The following ROBO1 variants were observed in gnomAD, a reference collection of about 807,000 sequenced individuals.
ROBO1 encodes the protein roundabout homolog 1.
ROBO1 carries 149 observed loss-of-function variants against 195.9 expected under a neutral mutation model. That is an observed-to-expected ratio of 0.76 (90% CI 0.67 to 0.87). The LOEUF (loss-of-function observed/expected upper bound fraction) is 0.87, where lower values mean the gene tolerates loss of function less well. Among genes scored for constraint, ROBO1 ranks in the 40% least tolerant of loss-of-function variants. The pLI is 0.00. For synonymous variants in ROBO1, 816 were observed against 733.2 expected, an observed-to-expected ratio of 1.11 and a Z score of -1.82; for missense variants, 1,933 against 2,068.3, an observed-to-expected ratio of 0.93 and a Z score of 1.27.
chr3:78,735,916 G>T (rs370578247), intron 5 of ROBO1, among the ~76,000 whole-genome samples: 2 of 152,132 alleles, frequency 1.3e-5, no homozygotes, highest in African/African-American at 4.8e-5. Flanking sequence ...GTAAACCAAC[G>T]GGCTTGGCAT....
At chr3:79,146,314 G>T (rs1267290752) in intron 2 of ROBO1, among the ~76,000 whole-genome samples, 1 of 151,780 alleles carries the variant, frequency 6.6e-6, no homozygotes, top group Admixed American at 6.6e-5. Flanking sequence ...AGATGTAGAA[G>T]AATATACCAC....
rs151324299 is a variant in ROBO1 at position 78,891,258 on chromosome 3, T to G, written c.499+47343A>C. ...GGCACTGGAGAGTGACTAAAAACAA[T>G]AGGCAAAAGAAATGGAGAGGCTACA... On this transcript the variant is annotated intron_variant, in intron 4 of 30. Transcript: ENST00000464233. Among the ~76,000 whole-genome samples the G allele has an allele frequency of 2.1e-3, 324 of 151,996 alleles. 1 individual carries two copies. Among genetic ancestry groups the G allele is most frequent in the South Asian group, 6.7e-3 (32 of 4,808 alleles).
intron 2 of ROBO1, among the ~76,000 whole-genome samples, chr3:79,370,683 ATTAT>A (rs775393884): frequency 6.6e-5 from 10 of 151,552 alleles, no homozygotes; most frequent in Non-Finnish European, 1.5e-4. Flanking sequence ...TTATATATAT[ATTAT>A]TTAAGTTCTG....
At chr3:79,710,675 A>G (rs1193842337) in intron 1 of ROBO1, among the ~76,000 whole-genome samples, 1 of 152,146 alleles carries the variant, frequency 6.6e-6, no homozygotes, top group Non-Finnish European at 1.5e-5. Flanking sequence ...GTGTTTGTGT[A>G]AAACACTAAT....
At chr3:79,344,756 C>G (rs898000670) in intron 2 of ROBO1, among the ~76,000 whole-genome samples, 1 of 151,756 alleles carries the variant, frequency 6.6e-6, no homozygotes, top group Non-Finnish European at 1.5e-5. Context: ...TGGTTTGATT[C>G]CATGTCCCCA....
chr3:78,909,246 A>G (rs1240567666), intron 4 of ROBO1, among the ~76,000 whole-genome samples: 1 of 151,900 alleles, frequency 6.6e-6, no homozygotes, highest in Non-Finnish European at 1.5e-5. Context: ...TTCTTTAAAC[A>G]GAAAAAAAAA....
intron 3 of ROBO1, among the ~76,000 whole-genome samples, chr3:78,951,334 T>C (rs1033354567): frequency 6.6e-6 from 1 of 152,002 alleles, no homozygotes; most frequent in African/African-American, 2.4e-5. Context: ...AAAAGCTTTC[T>C]CTCTTCATTC....
chr3:79,588,620 A>G (rs1346576391), intron 2 of ROBO1, among the ~76,000 whole-genome samples: 2 of 151,722 alleles, frequency 1.3e-5, no homozygotes, highest in East Asian at 3.9e-4. Flanking sequence ...CATTTTCTAT[A>G]TATTTAAGAA....
rs12491912 is a variant in ROBO1 at position 79,740,238 on chromosome 3, T to A, written c.-51+27514A>T. On this transcript the variant is annotated intron_variant, in intron 1 of 30. Transcript: ENST00000464233. ...TTATATATATAAATTTATATATAAA[T>A]ATATATATATATATACTGAACTGCA... 2.3e-4 allele frequency among the ~76,000 whole-genome samples: 5 copies of A among 21,372 alleles called. 1 individual carries two copies. Among genetic ancestry groups the A allele is most frequent in the African/African-American group, 9.7e-4 (4 of 4,106 alleles). The allele number at this position is 21,372 out of a possible 152,430, so 14.0% of individuals were successfully genotyped here.
At chr3:78,994,782 T>C (rs1453179563) in intron 3 of ROBO1, among the ~76,000 whole-genome samples, 1 of 152,208 alleles carries the variant, frequency 6.6e-6, no homozygotes, top group East Asian at 1.9e-4. Flanking sequence ...TAACCTGACT[T>C]GTAACAATAT....
At position 78,646,165 on chromosome 3, in the gene ROBO1, A is replaced by G. The variant is rs1397720416; in HGVS notation, c.2865T>C (p.Ala955=). 1 of 1,608,274 alleles carries G rather than the reference A, an allele frequency of 6.2e-7. No homozygotes were observed. Among genetic ancestry groups the G allele is most frequent in the Non-Finnish European group, 8.5e-7 (1 of 1,175,988 alleles). Residue 955 remains alanine, a synonymous_variant, in exon 21 of 31, where the codon GCT becomes GCC. Transcript: ENST00000464233. The part of the protein sequence containing the change: ...PTVTYQRGGE[A]VSSGGRPGLL... ...ATAATTACCTCCCTCCACTGCTGACAGCTTCGCCTCCTCTCTGGTAAGTTA... is the reference window on the plus strand; with the variant it reads ...ATAATTACCTCCCTCCACTGCTGACGGCTTCGCCTCCTCTCTGGTAAGTTA...
intron 1 of ROBO1, among the ~76,000 whole-genome samples, chr3:79,620,114 G>C (rs560529163): frequency 6.6e-6 from 1 of 152,180 alleles, no homozygotes; most frequent in Non-Finnish European, 1.5e-5. Context: ...TGGCCACTGG[G>C]CCAAGGAATG....
chr3:79,048,020 G>C (rs908838547), intron 3 of ROBO1, among the ~76,000 whole-genome samples: 3 of 152,112 alleles, frequency 2.0e-5, no homozygotes, highest in Admixed American at 2.0e-4. Context: ...TAGCTAAATA[G>C]AAACAGCCTT....
rs533008273 is a variant in ROBO1, at chr3:79,668,024, A to G, written c.-50-78063T>C. Among the ~76,000 whole-genome samples, 22 of 151,986 alleles carry G rather than the reference A, an allele frequency of 1.4e-4. No homozygotes were observed. In the East Asian group the frequency reaches 3.1e-3, roughly 22 times the overall value. On this transcript the variant is annotated intron_variant, in intron 1 of 30. Transcript: ENST00000464233. Reference sequence around the variant, plus strand: ...GAAATATTTCTATAGCACCTTCGCAATGAACACAGCTAACTCTTCTGTAAA... The same window carrying G: ...GAAATATTTCTATAGCACCTTCGCAGTGAACACAGCTAACTCTTCTGTAAA...
At chr3:79,300,511 T>C (rs2109057899) in intron 2 of ROBO1, among the ~76,000 whole-genome samples, 1 of 152,282 alleles carries the variant, frequency 6.6e-6, no homozygotes, top group South Asian at 2.1e-4. Context: ...ACCCCCTCCG[T>C]GGGCTCCTGT....
chr3:79,428,567 T>C (rs2107002833), intron 2 of ROBO1, among the ~76,000 whole-genome samples: 1 of 152,290 alleles, frequency 6.6e-6, no homozygotes, highest in East Asian at 1.9e-4. Context: ...ACTAAAACAA[T>C]GTACCAGTTT....
chr3:79,257,410 T>C (rs1006300308), intron 2 of ROBO1, among the ~76,000 whole-genome samples: 1 of 152,136 alleles, frequency 6.6e-6, no homozygotes, highest in African/African-American at 2.4e-5. Flanking sequence ...GTAGAGTAAA[T>C]TAGATCTTGA....
intron 28 of ROBO1, among the ~76,000 whole-genome samples, chr3:78,609,313 G>T (rs1394834286): frequency 2.0e-5 from 3 of 152,098 alleles, no homozygotes; most frequent in Non-Finnish European, 4.4e-5. Flanking sequence ...GAGGTAATGG[G>T]CTTGAATGGT....
chr3:78,816,111 G>A (rs1278573114), intron 4 of ROBO1, among the ~76,000 whole-genome samples: 4 of 152,168 alleles, frequency 2.6e-5, no homozygotes, highest in Non-Finnish European at 5.9e-5. Context: ...AGGACAGGCT[G>A]ATTTTCTTGG....
Sources: gnomAD v4.1 joint callset for allele counts (sites outside exome capture counted in the v4.1 genomes callset) on GRCh38, gnomAD v4.1.1 for gene constraint, MANE v1.5 for transcripts, NCBI Gene and HGNC (gene_info 2026-07-23, HGNC 2026-07-21) for gene names.